Variants in USH2A observed in about 807,000 individuals in gnomAD.
The protein encoded by USH2A is Usher syndrome 2A (autosomal recessive, mild).
In USH2A, 443 loss-of-function variants were observed where a neutral mutation model predicts 538.9. That is an observed-to-expected ratio of 0.82 (90% CI 0.76 to 0.89). The LOEUF (loss-of-function observed/expected upper bound fraction) is 0.89. Ranked by LOEUF, USH2A falls within the 40% of genes least tolerant of loss-of-function variation. The pLI is 0.00. For synonymous variants in USH2A, 2,413 were observed against 2,273.5 expected, an observed-to-expected ratio of 1.06 and a Z score of -1.75; for missense variants, 6,633 against 6,324.8, an observed-to-expected ratio of 1.05 and a Z score of -1.65.
intron 35 of USH2A, among the ~76,000 whole-genome samples, chr1:215,984,780 A>G (rs1667833488): frequency 6.6e-6 from 1 of 152,224 alleles, no homozygotes; most frequent in Non-Finnish European, 1.5e-5. Context: ...AGATGCTCCA[A>G]ACATATTTGT....
intron 52 of USH2A, among the ~76,000 whole-genome samples, chr1:215,785,894 C>G (rs960990586): frequency 4.6e-5 from 7 of 151,122 alleles, no homozygotes; most frequent in African/African-American, 1.7e-4. Context: ...CAAATTATGT[C>G]ACTTAAATGG....
intron 21 of USH2A, among the ~76,000 whole-genome samples, chr1:216,152,516 C>T (rs1203656539): frequency 6.6e-6 from 1 of 151,910 alleles, no homozygotes; most frequent in East Asian, 1.9e-4. Context: ...GAGAACAAAC[C>T]CCCTTTGACT....
intron 44 of USH2A, among the ~76,000 whole-genome samples, chr1:215,861,775 G>A (rs1353910938): frequency 2.0e-5 from 3 of 151,828 alleles, no homozygotes; most frequent in African/African-American, 7.3e-5. Context: ...CTAGATAAGG[G>A]GCAAGGCTAT....
At chr1:216,307,930 T>C (rs1027007232) in intron 9 of USH2A, among the ~76,000 whole-genome samples, 5 of 152,172 alleles carry the variant, frequency 3.3e-5, no homozygotes, top group Non-Finnish European at 7.4e-5. Context: ...GTTTTTCGGC[T>C]GTCTCCTGGA....
intron 47 of USH2A, among the ~76,000 whole-genome samples, chr1:215,831,387 T>C (rs888052014): frequency 6.6e-6 from 1 of 152,072 alleles, no homozygotes; most frequent in African/African-American, 2.4e-5. Flanking sequence ...TACAAAACAC[T>C]CTATCTGACA....
rs766379721 is a variant in USH2A at position 216,196,657 on chromosome 1, C to T, written c.4147G>A (p.Glu1383Lys). 1.2e-6 allele frequency: 2 copies of T among 1,613,448 alleles called. No individual in the cohort carries two copies. Among genetic ancestry groups the T allele is most frequent in the Admixed American group, 1.7e-5 (1 of 59,972 alleles). Residue 1383 changes from glutamate (E) to lysine (K), a missense_variant, in exon 19 of 72, where the codon GAG becomes AAG. Physicochemically the swap from Glu to Lys is moderately conservative, Grantham distance 56. Coordinates refer to ENST00000307340, the MANE Select transcript of USH2A (RefSeq NM_206933.4). ...CTTGTAACATTATCTGCTGGCTTCTCCCAGGAGATATTGAGAGAGTACGAA... is the reference window on the plus strand; with the variant it reads ...CTTGTAACATTATCTGCTGGCTTCTTCCAGGAGATATTGAGAGAGTACGAA... ...LSSYSLNISW[E>K]KPADNVTRGK...
chr1:215,663,475 T>C (rs1442045373), intron 64 of USH2A, among the ~76,000 whole-genome samples: 2 of 152,330 alleles, frequency 1.3e-5, no homozygotes, highest in South Asian at 4.1e-4. Flanking sequence ...AGCACAAGGA[T>C]TGTCAATATC....
chr1:215,974,852 C>T (rs1024947953), intron 35 of USH2A, among the ~76,000 whole-genome samples: 4 of 152,112 alleles, frequency 2.6e-5, no homozygotes, highest in Admixed American at 1.3e-4. Flanking sequence ...TGGGTACATA[C>T]CCAGTAATGG....
chr1:215,712,378 C>G (rs915321582), intron 61 of USH2A, among the ~76,000 whole-genome samples: 3 of 152,176 alleles, frequency 2.0e-5, no homozygotes, highest in African/African-American at 7.2e-5. Flanking sequence ...TTTAGCATCT[C>G]AAGGGTGGAT....
chr1:216,186,485 C>G (rs2034606451), intron 20 of USH2A, among the ~76,000 whole-genome samples: 1 of 151,838 alleles, frequency 6.6e-6, no homozygotes, highest in Middle Eastern at 3.2e-3. Flanking sequence ...CTAATTCTGA[C>G]CATACCTCTG....
intron 47 of USH2A, among the ~76,000 whole-genome samples, chr1:215,829,006 T>C (rs1476660124): frequency 6.6e-6 from 1 of 152,140 alleles, no homozygotes; most frequent in Admixed American, 6.6e-5. Flanking sequence ...GAATTAGCTA[T>C]TGATTAAATT....
chr1:215,659,412 C>A (rs947763623), intron 64 of USH2A, among the ~76,000 whole-genome samples: 3 of 152,040 alleles, frequency 2.0e-5, no homozygotes, highest in Non-Finnish European at 4.4e-5. Context: ...AATGAGACCA[C>A]GAAAGTCCTC....
At chr1:215,783,804 G>A (rs765953301) in intron 52 of USH2A, among the ~76,000 whole-genome samples, 9 of 152,150 alleles carry the variant, frequency 5.9e-5, no homozygotes, top group Admixed American at 2.0e-4. Flanking sequence ...CTCAGATTGA[G>A]CATCAGAAAA....
At chr1:216,128,567 T>C (rs2033304827) in intron 21 of USH2A, among the ~76,000 whole-genome samples, 1 of 152,138 alleles carries the variant, frequency 6.6e-6, no homozygotes, top group African/African-American at 2.4e-5. Flanking sequence ...AACTGTATTC[T>C]TTTTCTCGTC....
At chr1:216,297,340 A>G (rs2037127896) in intron 9 of USH2A, among the ~76,000 whole-genome samples, 1 of 152,110 alleles carries the variant, frequency 6.6e-6, no homozygotes, top group Admixed American at 6.5e-5. Context: ...TAACAATGAC[A>G]ATGGACAGTT....
intron 34 of USH2A, among the ~76,000 whole-genome samples, chr1:215,994,983 T>G (rs1668099833): frequency 6.6e-6 from 1 of 152,304 alleles, no homozygotes; most frequent in South Asian, 2.1e-4. Context: ...TCAGATTTTT[T>G]TTCCTTAGAA....
chr1:215,992,239 T>C (rs1450959957), intron 35 of USH2A, among the ~76,000 whole-genome samples: 2 of 152,204 alleles, frequency 1.3e-5, no homozygotes, highest in Non-Finnish European at 2.9e-5. Flanking sequence ...GTCTTCTTGA[T>C]ATTTGTCTCA....
At chr1:216,025,068 T>C (rs914348004) in intron 32 of USH2A, among the ~76,000 whole-genome samples, 1 of 151,960 alleles carries the variant, frequency 6.6e-6, no homozygotes, top group Non-Finnish European at 1.5e-5. Context: ...AACATTTAAA[T>C]ATGTATAGAT....
chr1:216,240,216 A>G (rs1331248114), intron 13 of USH2A, among the ~76,000 whole-genome samples: 1 of 152,154 alleles, frequency 6.6e-6, no homozygotes, highest in Non-Finnish European at 1.5e-5. Flanking sequence ...TACCTTCCCC[A>G]ACCAGGAAGT....
Sources: allele counts gnomAD v4.1 joint callset (sites outside exome capture counted in the v4.1 genomes callset), GRCh38; gene constraint gnomAD v4.1.1; transcripts MANE v1.5; gene names NCBI Gene and HGNC (gene_info 2026-07-23, HGNC 2026-07-21).